ASIC1: variants seen among roughly 807,000 people sequenced by gnomAD.
ASIC1 encodes acid sensing ion channel subunit 1.
Under a neutral mutation model 63.4 loss-of-function variants are expected in ASIC1, and 21 were observed. The ratio of observed to expected loss-of-function variants is 0.33; its 90% CI spans 0.23 to 0.48. The LOEUF is 0.48. Among genes scored for constraint, ASIC1 ranks in the 20% least tolerant of loss-of-function variants. The pLI is 0.99. For synonymous variants in ASIC1, 258 were observed against 278.2 expected (o/e 0.93, Z 0.72); for missense variants, 478 against 695.5 (o/e 0.69, Z 3.52).
At chr12:50,063,519 C>A (rs1439507598) in intron 3 of ASIC1, among the ~76,000 whole-genome samples, 1 of 152,222 alleles carries the variant, frequency 6.6e-6, no homozygotes, top group Admixed American at 6.5e-5. Context: ...TGGTGTGACT[C>A]ATAATCTCTC....
chr12:50,072,256 C>T (rs2137830977), intron 3 of ASIC1, among the ~76,000 whole-genome samples: 1 of 152,328 alleles, frequency 6.6e-6, no homozygotes, highest in East Asian at 1.9e-4. Flanking sequence ...ACCCACCTAG[C>T]CCCGGTCTAG....
At chr12:50,072,327 C>G (rs914820662) in intron 3 of ASIC1, among the ~76,000 whole-genome samples, 5 of 152,218 alleles carry the variant, frequency 3.3e-5, no homozygotes, top group African/African-American at 9.6e-5. Context: ...CTCCCTCCCC[C>G]GCTTCCCCTC....
chr12:50,077,446 C>A, intron 4 of ASIC1, 83 bp downstream of exon 4: 1 of 1,573,374 alleles, frequency 6.4e-7, no homozygotes, highest in Non-Finnish European at 8.6e-7. Context: ...CACTGTGAGA[C>A]CTGGGCAGGG....
chr12:50,057,657 A>AGCACCGC lies in ASIC1; in HGVS notation c.-266_-260dup, dbSNP rs1190556179. The AGCACCGC allele has an allele frequency of 1.3e-5, 2 of 151,682 alleles. No homozygotes were observed. Among genetic ancestry groups the AGCACCGC allele is most frequent in the Admixed American group, 6.6e-5 (1 of 15,252 alleles). 9.4% of individuals were successfully genotyped at this position (151,682 alleles called of 1,614,324 possible). A position where few individuals can be genotyped will look rare whatever the true frequency, so the allele number is the denominator to read the frequency against. On this transcript the variant is annotated 5_prime_UTR_variant, in exon 1 of 12. Coordinates refer to ENST00000447966, the MANE Select transcript of ASIC1 (RefSeq NM_001095.4). The surrounding 1 kb of genome is among the most constrained non-coding windows in gnomAD (Gnocchi z 4.7). Reference sequence around the variant, plus strand: ...GATCCCTGCAGATCCCAGGGCTGAGAGCACCGCGCACCGCGCCGAGCCCGG... The same window carrying AGCACCGC: ...GATCCCTGCAGATCCCAGGGCTGAGAGCACCGCGCACCGCGCACCGCGCCGAGCCCGG...
At chr12:50,073,564 A>G in intron 3 of ASIC1, 1 of 1,483,804 alleles carries the variant, frequency 6.7e-7, no homozygotes, top group Non-Finnish European at 8.9e-7. Flanking sequence ...AATCCCTGGC[A>G]CCAGGAAGCC....
chr12:50,073,457 T>G, intron 3 of ASIC1: 418 of 1,405,680 alleles, frequency 3.0e-4, no homozygotes, highest in Middle Eastern at 3.8e-4. Context: ...CCAGCTGGGC[T>G]GAGATACCTG....
chr12:50,079,333 G>C (rs891513069), intron 7 of ASIC1, among the ~76,000 whole-genome samples: 1 of 152,144 alleles, frequency 6.6e-6, no homozygotes, highest in East Asian at 1.9e-4. Flanking sequence ...AGAATTCCTT[G>C]AACCGGGGAG....
Position 50,078,898 on chromosome 12 carries a change from G to C in ASIC1, c.995-26G>C. The C allele has an allele frequency of 6.2e-7, 1 of 1,610,690 alleles. No individual in the cohort carries two copies. The highest frequency in any genetic ancestry group is 8.5e-7 in the Non-Finnish European group (1 of 1,177,032). ...ACCAGACCCCTTGAATTCCCATCCT[G>C]CATCATTGTCTTTTCTCCTCTGTAG... On this transcript the variant is annotated intron_variant, in intron 6 of 11. Transcript: ENST00000447966. The surrounding 1 kb of genome is among the most constrained non-coding windows in gnomAD (Gnocchi z 6.0).
intron 9 of ASIC1, chr12:50,080,810 G>C: frequency 2.4e-6 from 3 of 1,267,994 alleles, no homozygotes; most frequent in Non-Finnish European, 3.3e-6. Flanking sequence ...CATGAGGGAG[G>C]GGTAGGCATG....
At chr12:50,062,139 A>T (rs1312222783) in intron 3 of ASIC1, among the ~76,000 whole-genome samples, 1 of 152,026 alleles carries the variant, frequency 6.6e-6, no homozygotes, top group East Asian at 1.9e-4. Context: ...ACCCATAGGG[A>T]TGTTCCCACA....
chr12:50,081,751 C>CA lies in ASIC1; in HGVS notation c.*102_*103insA. The CA allele has an allele frequency of 3.9e-6, 4 of 1,024,426 alleles. No homozygotes were observed. The South Asian group carries it at 5.8e-5, about 15-fold the overall frequency. The allele number at this position is 1,024,426 out of a possible 1,614,324, so 63.5% of individuals were successfully genotyped here. A position where few individuals can be genotyped will look rare whatever the true frequency, so the allele number is the denominator to read the frequency against. ...ATCTGCCCTGGGGACTCCCCACACTCCGGGGCAGATCTTTCCTCTTGTCTG... is the reference window on the plus strand; with the variant it reads ...ATCTGCCCTGGGGACTCCCCACACTCACGGGGCAGATCTTTCCTCTTGTCTG... On this transcript the variant is annotated 3_prime_UTR_variant, in exon 12 of 12. Coordinates refer to ENST00000447966, the MANE Select transcript of ASIC1 (RefSeq NM_001095.4).
intron 3 of ASIC1, among the ~76,000 whole-genome samples, chr12:50,065,852 C>T (rs1043567642): frequency 3.3e-5 from 5 of 152,360 alleles, no homozygotes; most frequent in Middle Eastern, 3.4e-3. Flanking sequence ...ACCAGCATGC[C>T]AGGCTGAGAA....
Position 50,081,191 on chromosome 12 carries a change from G to A in ASIC1, c.1377+10G>A, listed in dbSNP as rs781269758. On this transcript the variant is annotated intron_variant, in intron 10 of 11. Coordinates refer to ENST00000447966, the MANE Select transcript of ASIC1 (RefSeq NM_001095.4). ...TGACTACGCCTACGAGGTAAGCGGG[G>A]GCGAGGCCCGGCACGGGGCCACGTG... 4 of 1,609,620 alleles carry A rather than the reference G, an allele frequency of 2.5e-6. No homozygotes were observed. In the Admixed American group the frequency reaches 5.1e-5, roughly 20 times the overall value.
At chr12:50,061,125 C>A (rs117644523) in intron 3 of ASIC1, among the ~76,000 whole-genome samples, 6,351 of 152,214 alleles carry the variant, frequency 0.042, 198 homozygotes, top group South Asian at 0.083. Context: ...TTTCCAGGAC[C>A]CTTTGCTCTC....
At chr12:50,076,820 G>A in intron 3 of ASIC1, 1 of 388,292 alleles carries the variant, frequency 2.6e-6, no homozygotes, top group Non-Finnish European at 5.1e-6. Flanking sequence ...TGCTCTGTAG[G>A]GAGCCCTGGC....
chr12:50,063,781 G>C (rs1199025569), intron 3 of ASIC1, among the ~76,000 whole-genome samples: 1 of 152,152 alleles, frequency 6.6e-6, no homozygotes, highest in Non-Finnish European at 1.5e-5. Flanking sequence ...AGTGGGGAGA[G>C]AGAAGTCATC....
chr12:50,082,035 A>C lies in ASIC1; in HGVS notation c.*386A>C, dbSNP rs1273599025. ...CCCTTCCCAGTGAGGGGTGGAAGGG[A>C]TCTCTGGGGTCTGGAATTTGGCCCC... On this transcript the variant is annotated 3_prime_UTR_variant, in exon 12 of 12. Transcript: ENST00000447966. 1 of 209,160 alleles carries C rather than the reference A, an allele frequency of 4.8e-6. No homozygotes were observed. The highest frequency in any genetic ancestry group is 1.4e-4 in the East Asian group (1 of 7,242). The allele number at this position is 209,160 out of a possible 1,614,324, so 13.0% of individuals were successfully genotyped here.
At position 50,059,035 on chromosome 12, in the gene ASIC1, T is replaced by G; in HGVS notation, c.269T>G (p.Val90Gly). 6.2e-7 allele frequency: 1 copy of G among 1,614,208 alleles called. No individual in the cohort carries two copies. The highest frequency in any genetic ancestry group is 8.5e-7 in the Non-Finnish European group (1 of 1,180,032). The change falls in exon 2 of 12, where the codon GTC becomes GGC. Residue 90 changes from valine (V) to glycine (G), a missense_variant. Transcript: ENST00000447966. This position sits in a 1 kb window ranked among gnomAD's most constrained non-coding sequence, Gnocchi z 4.6. ...VAASQLTFPA[V>G]TLCNLNEFRF... ...GCCTCTCAGCTTACCTTCCCTGCTG[T>G]CACGCTGTGCAACCTCAACGAGTTC...
At chr12:50,070,015 A>G (rs927407004) in intron 3 of ASIC1, among the ~76,000 whole-genome samples, 1 of 152,200 alleles carries the variant, frequency 6.6e-6, no homozygotes, top group African/African-American at 2.4e-5. Context: ...TGAGGATCCC[A>G]TGAGATAACA....
Sources: allele counts gnomAD v4.1 joint callset (sites outside exome capture counted in the v4.1 genomes callset), GRCh38; gene constraint gnomAD v4.1.1; non-coding constraint Gnocchi (gnomAD v3.1); transcripts MANE v1.5; gene names NCBI Gene and HGNC (gene_info 2026-07-23, HGNC 2026-07-21).